The following LRRC9 variants were observed in gnomAD, a reference collection of about 807,000 sequenced individuals.
LRRC9 encodes leucine-rich repeat-containing protein 9.
In LRRC9, 122 loss-of-function variants were observed where a neutral mutation model predicts 63.2. The ratio of observed to expected loss-of-function variants is 1.93; its 90% confidence interval spans 1.67 to 2.24. The LOEUF (loss-of-function observed/expected upper bound fraction) is 2.24. Ranked by LOEUF, LRRC9 falls within the 30% of genes most tolerant of loss-of-function variation. The pLI is 0.00. For missense variants in LRRC9, 1,071 were observed against 627.7 expected (o/e 1.71, Z -7.55); for synonymous variants, 366 against 213.1 (o/e 1.72, Z -6.25).
intron 6 of LRRC9, among the ~76,000 whole-genome samples, chr14:59,934,090 A>G (rs1889929459): frequency 6.6e-6 from 1 of 152,144 alleles, no homozygotes; most frequent in Admixed American, 6.6e-5. Context: ...GATTCCAGGA[A>G]TAATCTAAAT....
chr14:60,036,146 A>G lies in LRRC9; in HGVS notation c.3990+4083A>G, dbSNP rs540461435. 1.6e-4 allele frequency among the ~76,000 whole-genome samples: 25 copies of G among 152,208 alleles called. No individual in the cohort carries two copies. The Middle Eastern group carries it at 0.017, about 104-fold the overall frequency. On this transcript the variant is annotated intron_variant, in intron 29 of 31. Transcript: ENST00000445360. ...TCTATAAGGGTACTGGTCCCATCAC[A>G]AGGACCCCATCCTGATGACCTCATC...
chr14:59,969,775 T>C lies in LRRC9; in HGVS notation c.1506+2562T>C, dbSNP rs114550465. ...ATCTGCTCACATAGCTTGAGTTCAT[T>C]CCCTACCGAATATTGTTTGTAATCA... On this transcript the variant is annotated intron_variant, in intron 12 of 31. Transcript: ENST00000445360. 2.7e-3 allele frequency among the ~76,000 whole-genome samples: 415 copies of C among 152,260 alleles called. 1 individual carries two copies. Among genetic ancestry groups the C allele is most frequent in the African/African-American group, 9.4e-3 (392 of 41,558 alleles).
chr14:60,037,336 G>T (rs965676978), intron 29 of LRRC9, among the ~76,000 whole-genome samples: 2 of 152,156 alleles, frequency 1.3e-5, no homozygotes, highest in African/African-American at 4.8e-5. Flanking sequence ...TTGAGGAATT[G>T]CCACACTGTC....
At chr14:60,001,471 A>G (rs1009701085) in intron 19 of LRRC9, among the ~76,000 whole-genome samples, 2 of 152,192 alleles carry the variant, frequency 1.3e-5, no homozygotes, top group Non-Finnish European at 2.9e-5. Context: ...GGCAAGTCAT[A>G]AAGAATACAT....
At chr14:60,011,854 T>G (rs1273593379) in intron 23 of LRRC9, among the ~76,000 whole-genome samples, 1 of 152,228 alleles carries the variant, frequency 6.6e-6, no homozygotes, top group African/African-American at 2.4e-5. Context: ...TGATTAGTAT[T>G]AGACATTAGT....
rs148435169 is a variant in LRRC9, at chr14:60,012,152, A to G, written c.3186+3938A>G. On this transcript the variant is annotated intron_variant, in intron 23 of 31. Transcript: ENST00000445360. The stretch of plus-strand genomic sequence containing the variant: ...AGGTAGTACAGTAATATATAATGCT[A>G]GAGTGTCTGAGATATAAATAAACTT... Among the ~76,000 whole-genome samples the G allele has an allele frequency of 3.0e-3, 459 of 152,300 alleles. 2 individuals are homozygous for G. Among genetic ancestry groups the G allele is most frequent in the African/African-American group, 0.011 (439 of 41,558 alleles).
At chr14:59,991,926 G>C (rs1021704373) in intron 17 of LRRC9, among the ~76,000 whole-genome samples, 1 of 152,224 alleles carries the variant, frequency 6.6e-6, no homozygotes, top group African/African-American at 2.4e-5. Flanking sequence ...ATCCTCTGCA[G>C]ACGTAAATGT....
chr14:60,026,994 G>T (rs1371696345), intron 27 of LRRC9, among the ~76,000 whole-genome samples: 1 of 151,928 alleles, frequency 6.6e-6, no homozygotes, highest in African/African-American at 2.4e-5. Context: ...GGTACTGGAG[G>T]TTAGGATTTT....
intron 21 of LRRC9, among the ~76,000 whole-genome samples, chr14:60,005,796 C>G (rs140556564): frequency 6.5e-4 from 99 of 152,158 alleles, no homozygotes; most frequent in Admixed American, 1.2e-3. Flanking sequence ...ATATTTGAAG[C>G]CAACTAGGAT....
chr14:60,001,961 A>T lies in LRRC9; in HGVS notation c.2530-5A>T. 1 of 640,046 alleles carries T rather than the reference A, an allele frequency of 1.6e-6. No homozygotes were observed. The highest frequency in any genetic ancestry group is 2.8e-6 in the Non-Finnish European group (1 of 358,320). 39.6% of individuals were successfully genotyped at this position (640,046 alleles called of 1,614,324 possible). A position where few individuals can be genotyped will look rare whatever the true frequency, so the allele number is the denominator to read the frequency against. On this transcript the variant is annotated splice_polypyrimidine_tract_variant and splice_region_variant and intron_variant, in intron 19 of 31. Coordinates refer to ENST00000445360, the Ensembl canonical transcript of LRRC9. The stretch of plus-strand genomic sequence containing the variant: ...TTTTTCACTGTATTTTTTAAATTTT[A>T]TTAGTTATCTCTCTTACGGCATTCT...
At chr14:59,959,281 A>T (rs1884116833) in intron 8 of LRRC9, among the ~76,000 whole-genome samples, 1 of 152,192 alleles carries the variant, frequency 6.6e-6, no homozygotes, top group Non-Finnish European at 1.5e-5. Context: ...AAATCTTAAG[A>T]CCAGTGCTGT....
At chr14:59,994,440 G>A (rs1032312220) in intron 17 of LRRC9, among the ~76,000 whole-genome samples, 4 of 152,170 alleles carry the variant, frequency 2.6e-5, no homozygotes, top group Admixed American at 6.5e-5. Context: ...AACCATTGTG[G>A]AAGTCAGTGT....
intron 14 of LRRC9, among the ~76,000 whole-genome samples, chr14:59,977,614 A>G (rs970884003): frequency 6.6e-6 from 1 of 151,318 alleles, no homozygotes; most frequent in Admixed American, 6.6e-5. Context: ...TCATTTTCAA[A>G]GAATTAAAAA....
chr14:59,985,264 T>C lies in LRRC9; in HGVS notation c.2211+40T>C, dbSNP rs1264737743. 12 of 590,426 alleles carry C rather than the reference T, an allele frequency of 2.0e-5. No homozygotes were observed. The East Asian group carries it at 2.8e-4, about 14-fold the overall frequency. The allele number at this position is 590,426 out of a possible 1,614,324, so 36.6% of individuals were successfully genotyped here. On this transcript the variant is annotated intron_variant, in intron 17 of 31. Transcript: ENST00000445360. ...TTTGAATCTAAAAAAGTGAAACTCA[T>C]AGAAGCAGAAGTAGAATGGTGGTTA...
At chr14:59,961,399 C>A (rs1350802459) in intron 10 of LRRC9, among the ~76,000 whole-genome samples, 2 of 151,976 alleles carry the variant, frequency 1.3e-5, no homozygotes, top group Non-Finnish European at 2.9e-5. Flanking sequence ...TGTTTCCTGA[C>A]TGGATATAGT....
chr14:60,018,791 T>C (rs1241935058), intron 25 of LRRC9, among the ~76,000 whole-genome samples: 1 of 151,924 alleles, frequency 6.6e-6, no homozygotes, highest in African/African-American at 2.4e-5. Flanking sequence ...TATTATTTAC[T>C]TGACTCAGGC....
chr14:60,048,495 G>A (rs1337025002), intron 29 of LRRC9, among the ~76,000 whole-genome samples: 1 of 152,102 alleles, frequency 6.6e-6, no homozygotes, highest in African/African-American at 2.4e-5. Flanking sequence ...ACAACCATCA[G>A]AGAATACTAT....
chr14:59,969,046 G>A (rs892357014), intron 12 of LRRC9: 3 of 152,080 alleles, frequency 2.0e-5, no homozygotes, highest in African/African-American at 7.2e-5. Flanking sequence ...GATTAAATAA[G>A]ATATTTTATT....
chr14:60,003,830 A>G lies in LRRC9; in HGVS notation c.2842+32A>G. ...TACTTAAGAACTTTGAAGTCTCAAA[A>G]TATGGGATGTCTAAACAACAAAGCA... is the stretch of plus-strand genomic sequence containing the variant. On this transcript the variant is annotated intron_variant, in intron 21 of 31. Coordinates refer to ENST00000445360, the Ensembl canonical transcript of LRRC9. This position sits in a 1 kb window ranked among gnomAD's most constrained non-coding sequence, Gnocchi z 4.2. The G allele has an allele frequency of 3.6e-6, 2 of 549,434 alleles. No individual in the cohort carries two copies. 34.0% of individuals were successfully genotyped at this position (549,434 alleles called of 1,614,324 possible). A position where few individuals can be genotyped will look rare whatever the true frequency, so the allele number is the denominator to read the frequency against.
Sources: gnomAD v4.1 joint callset for allele counts (sites outside exome capture counted in the v4.1 genomes callset) on GRCh38, gnomAD v4.1.1 for gene constraint, Gnocchi (gnomAD v3.1) non-coding constraint, MANE v1.5 for transcripts, NCBI Gene and HGNC (gene_info 2026-07-23, HGNC 2026-07-21) for gene names.